The following RAD54L variants were observed in gnomAD, a reference collection of about 807,000 sequenced individuals.
RAD54L encodes DNA repair and recombination protein RAD54-like.
A neutral mutation model predicts 91.6 loss-of-function variants in RAD54L; 74 were observed. That is an observed-to-expected ratio of 0.81 (90% confidence interval 0.67 to 0.98). The LOEUF (loss-of-function observed/expected upper bound fraction) is 0.98, where lower values mean the gene tolerates loss of function less well. RAD54L is among the 50% of genes least tolerant of loss of function. The pLI, the probability that RAD54L is intolerant of heterozygous loss-of-function variation, is 0.00. For synonymous variants in RAD54L, 304 were observed against 349.7 expected, an observed-to-expected ratio of 0.87 and a Z score of 1.46; for missense variants, 887 against 945.7, an observed-to-expected ratio of 0.94 and a Z score of 0.81.
At chr1:46,255,560 G>A (rs549122335) in intron 3 of RAD54L, among the ~76,000 whole-genome samples, 3 of 147,638 alleles carry the variant, frequency 2.0e-5, no homozygotes, top group African/African-American at 5.0e-5. Context: ...GTGCAGTGGC[G>A]CGATCTCGGC....
chr1:46,258,623 T>G, intron 3 of RAD54L, 63 bp from the exon 4 acceptor site: 2 of 1,227,180 alleles, frequency 1.6e-6, no homozygotes, highest in South Asian at 2.4e-5. Context: ...GTGAAGCATA[T>G]CATGATATTG....
intron 2 of RAD54L, among the ~76,000 whole-genome samples, chr1:46,249,281 T>C (rs1304874553): frequency 6.6e-6 from 1 of 152,042 alleles, no homozygotes; most frequent in Admixed American, 6.6e-5. Context: ...AGGTGTGGGG[T>C]AGGGGTGCTG....
At chr1:46,251,494 T>A (rs981427160) in intron 3 of RAD54L, among the ~76,000 whole-genome samples, 4 of 152,206 alleles carry the variant, frequency 2.6e-5, no homozygotes, top group African/African-American at 9.6e-5. Flanking sequence ...CATCATCTTT[T>A]GCTTTTATGA....
intron 3 of RAD54L, among the ~76,000 whole-genome samples, chr1:46,253,221 GGTTT>G (rs1290629091): frequency 6.6e-6 from 1 of 152,226 alleles, no homozygotes; most frequent in Non-Finnish European, 1.5e-5. Context: ...GATATGAACA[GGTTT>G]GTTTATGGTT....
intron 8 of RAD54L, among the ~76,000 whole-genome samples, chr1:46,264,558 C>T (rs1323527105): frequency 1.3e-5 from 2 of 152,224 alleles, no homozygotes; most frequent in African/African-American, 2.4e-5. Context: ...GAGTGGATGG[C>T]ACATGGGCTA....
At position 46,274,018 on chromosome 1, in the gene RAD54L, T is replaced by C. The variant is rs372442738; in HGVS notation, c.1611-120T>C. On this transcript the variant is annotated intron_variant, in intron 14 of 17. Transcript: ENST00000371975. ...CCTCAAGCATGGTTATTTCAGTCCC[T>C]TCAGTGGCTCTCCAAGGGACTCTGC... 275 of 1,100,784 alleles carry C rather than the reference T, an allele frequency of 2.5e-4. 3 individuals carry two copies. The South Asian group carries it at 3.7e-3, about 15-fold the overall frequency. 68.2% of individuals were successfully genotyped at this position (1,100,784 alleles called of 1,614,324 possible). A position where few individuals can be genotyped will look rare whatever the true frequency, so the allele number is the denominator to read the frequency against.
intron 8 of RAD54L, among the ~76,000 whole-genome samples, chr1:46,266,663 G>A (rs1660273682): frequency 6.6e-6 from 1 of 152,190 alleles, no homozygotes; most frequent in Non-Finnish European, 1.5e-5. Context: ...GGGACATGGA[G>A]CCTGGTCCAA....
Position 46,274,135 on chromosome 1 carries a change from C to T in RAD54L, c.1611-3C>T. The T allele has an allele frequency of 6.2e-7, 1 of 1,610,938 alleles. No homozygotes were observed. Among genetic ancestry groups the T allele is most frequent in the Non-Finnish European group, 8.5e-7 (1 of 1,177,170 alleles). On this transcript the variant is annotated splice_region_variant and splice_polypyrimidine_tract_variant and intron_variant, in intron 14 of 17. Coordinates refer to ENST00000371975, the MANE Select transcript of RAD54L (RefSeq NM_003579.4). Reference sequence around the variant, plus strand: ...TTTTCTTGGGTCTCGAATCCCCCTTCAGGTACTTATACGTCCGCCTGGATG... The same window carrying T: ...TTTTCTTGGGTCTCGAATCCCCCTTTAGGTACTTATACGTCCGCCTGGATG...
chr1:46,261,095 G>C (rs908285399), intron 7 of RAD54L, 80 bp downstream of exon 7: 1 of 1,565,014 alleles, frequency 6.4e-7, no homozygotes, highest in Non-Finnish European at 8.7e-7. Context: ...TTATGGCCAG[G>C]GTGGAGGGCA....
At chr1:46,274,253 G>A (rs2148302856) in intron 15 of RAD54L, 37 bp downstream of exon 15, 1 of 1,560,108 alleles carries the variant, frequency 6.4e-7, no homozygotes, top group Non-Finnish European at 8.8e-7. Flanking sequence ...CACCAATGCA[G>A]TATCATCAGA....
rs1303867046 is a variant in RAD54L at position 46,265,961 on chromosome 1, G to A, written c.892-1498G>A. On this transcript the variant is annotated intron_variant, in intron 8 of 17. Coordinates refer to ENST00000371975, the MANE Select transcript of RAD54L (RefSeq NM_003579.4). This position sits in a 1 kb window ranked among gnomAD's most constrained non-coding sequence, Gnocchi z 4.8. ...GATTACAGAACAGAATACAGGTAAA[G>A]TGTTTAGTTAGTACCATGCCTACCA... Among the ~76,000 whole-genome samples, 1 of 152,196 alleles carries A rather than the reference G, an allele frequency of 6.6e-6. No homozygotes were observed. Among genetic ancestry groups the A allele is most frequent in the Non-Finnish European group, 1.5e-5 (1 of 68,040 alleles).
chr1:46,273,369 TATG>T lies in RAD54L; in HGVS notation c.1393_1395del (p.Asp465del), dbSNP rs773026168. The T allele has an allele frequency of 5.6e-6, 9 of 1,612,826 alleles. No individual in the cohort carries two copies. The highest frequency in any genetic ancestry group is 4.4e-5 in the South Asian group (4 of 91,048). On this transcript the variant is annotated inframe_deletion, in exon 13 of 18. Transcript: ENST00000371975. ...TTTTCTCCCAGATCCAGCTCTAATC[TATG>T]ATAAGTGTGTGGAAGAGGAGGATGG... is the stretch of plus-strand genomic sequence containing the variant.
chr1:46,274,325 T>C (rs1452864679), intron 15 of RAD54L, 109 bp downstream of exon 15: 1 of 1,270,946 alleles, frequency 7.9e-7, no homozygotes, highest in Non-Finnish European at 1.1e-6. Flanking sequence ...TTAATTCCCC[T>C]AGTGGATATA....
intron 16 of RAD54L, among the ~76,000 whole-genome samples, chr1:46,275,599 A>G (rs137990185): frequency 3.9e-4 from 59 of 152,296 alleles, no homozygotes; most frequent in African/African-American, 1.4e-3. Flanking sequence ...ACATGTTGGT[A>G]CTACCACAAA....
chr1:46,259,115 G>A (rs1355972248), intron 4 of RAD54L, among the ~76,000 whole-genome samples: 1 of 152,084 alleles, frequency 6.6e-6, no homozygotes, highest in African/African-American at 2.4e-5. Context: ...CTTATGTAGG[G>A]TACAGCATTA....
At chr1:46,249,307 G>A (rs1659737409) in intron 2 of RAD54L, among the ~76,000 whole-genome samples, 1 of 152,188 alleles carries the variant, frequency 6.6e-6, no homozygotes, top group Non-Finnish European at 1.5e-5. Flanking sequence ...TGTTTCAGGT[G>A]TGTCTTACAG....
chr1:46,271,154 G>T (rs962203994), intron 10 of RAD54L, among the ~76,000 whole-genome samples: 1 of 152,224 alleles, frequency 6.6e-6, no homozygotes, highest in Non-Finnish European at 1.5e-5. Context: ...TAGTCATTCT[G>T]TGACAGGTAG....
intron 16 of RAD54L, among the ~76,000 whole-genome samples, chr1:46,276,063 G>C (rs1660591199): frequency 6.6e-6 from 1 of 152,002 alleles, no homozygotes; most frequent in Admixed American, 6.6e-5. Flanking sequence ...TTTTAGCCCA[G>C]ATCTCTTACC....
At chr1:46,251,681 C>T (rs955497770) in intron 3 of RAD54L, among the ~76,000 whole-genome samples, 3 of 152,084 alleles carry the variant, frequency 2.0e-5, no homozygotes, top group Non-Finnish European at 4.4e-5. Flanking sequence ...CCAAGGTAGG[C>T]GGATAGCTTG....
Sources: gnomAD v4.1 joint callset for allele counts (sites outside exome capture counted in the v4.1 genomes callset) on GRCh38, gnomAD v4.1.1 for gene constraint, Gnocchi (gnomAD v3.1) non-coding constraint, MANE v1.5 for transcripts, NCBI Gene and HGNC (gene_info 2026-07-23, HGNC 2026-07-21) for gene names.